Variants in KCNQ5 observed in about 807,000 individuals in gnomAD.
KCNQ5 encodes potassium voltage-gated channel subfamily Q member 5.
A neutral mutation model predicts 98.2 loss-of-function variants in KCNQ5; 30 were observed. The observed-to-expected ratio is 0.31, with a 90% CI of 0.23 to 0.41. The LOEUF (loss-of-function observed/expected upper bound fraction) is 0.41, where lower values mean the gene tolerates loss of function less well. Among genes scored for constraint, KCNQ5 ranks in the 10% least tolerant of loss-of-function variants. KCNQ5 has a pLI of 1.00. For missense variants in KCNQ5, 835 were observed against 1,182.5 expected, an observed-to-expected ratio of 0.71 and a Z score of 4.31; for synonymous variants, 458 against 449.4, an observed-to-expected ratio of 1.02 and a Z score of -0.24.
At chr6:72,652,383 G>C (rs1765921945) in intron 1 of KCNQ5, among the ~76,000 whole-genome samples, 1 of 151,598 alleles carries the variant, frequency 6.6e-6, no homozygotes, top group Admixed American at 6.6e-5. Context: ...CTCCAATTTT[G>C]AGTCCCACTC....
intron 11 of KCNQ5, among the ~76,000 whole-genome samples, chr6:73,187,297 G>C (rs1765407877): frequency 6.6e-6 from 1 of 152,018 alleles, no homozygotes; most frequent in Non-Finnish European, 1.5e-5. Flanking sequence ...CTGACCTCGT[G>C]ATCCACCCGC....
At chr6:73,055,609 G>C (rs1169524194) in intron 3 of KCNQ5, 1 of 1,276,186 alleles carries the variant, frequency 7.8e-7, no homozygotes, top group African/African-American at 1.5e-5. Context: ...TATTTCCCCA[G>C]ATCAAGGAGG....
chr6:73,127,367 G>GA (rs1351009608), intron 9 of KCNQ5, among the ~76,000 whole-genome samples: 8 of 152,132 alleles, frequency 5.3e-5, no homozygotes, highest in Non-Finnish European at 2.9e-5. Context: ...GCCCAAGCAG[G>GA]AGCCAACATT....
At chr6:73,011,457 C>A (rs1770058115) in intron 2 of KCNQ5, among the ~76,000 whole-genome samples, 2 of 152,042 alleles carry the variant, frequency 1.3e-5, no homozygotes, top group Non-Finnish European at 2.9e-5. Flanking sequence ...GGACCCTTAC[C>A]TAAGACAATA....
At chr6:72,876,287 G>A (rs1778407781) in intron 1 of KCNQ5, among the ~76,000 whole-genome samples, 1 of 151,962 alleles carries the variant, frequency 6.6e-6, no homozygotes, top group Admixed American at 6.6e-5. Context: ...ATTTAATAGG[G>A]TTAAAATTCC....
chr6:73,026,898 T>C (rs1770914545), intron 2 of KCNQ5, among the ~76,000 whole-genome samples: 1 of 152,084 alleles, frequency 6.6e-6, no homozygotes, highest in African/African-American at 2.4e-5. Flanking sequence ...TTGCACACAT[T>C]CCATAAATGG....
chr6:72,850,048 CACTT>C, intron 1 of KCNQ5, among the ~76,000 whole-genome samples: 1 of 152,260 alleles, frequency 6.6e-6, no homozygotes, highest in Non-Finnish European at 1.5e-5. Flanking sequence ...CCTCCTTGCA[CACTT>C]AGTCAATTTA....
At chr6:73,108,238 G>A (rs1775082338) in intron 6 of KCNQ5, among the ~76,000 whole-genome samples, 1 of 152,198 alleles carries the variant, frequency 6.6e-6, no homozygotes, top group Non-Finnish European at 1.5e-5. Context: ...TGAGCTCACA[G>A]AAGAAGCCCC....
chr6:72,785,704 GA>G (rs1311305226), intron 1 of KCNQ5, among the ~76,000 whole-genome samples: 1 of 151,090 alleles, frequency 6.6e-6, no homozygotes, highest in African/African-American at 2.4e-5. Flanking sequence ...AAACAGAAAA[GA>G]ACAGTAGCAG....
intron 5 of KCNQ5, among the ~76,000 whole-genome samples, chr6:73,102,300 A>T (rs561707656): frequency 6.6e-6 from 1 of 152,312 alleles, no homozygotes; most frequent in Admixed American, 6.5e-5. Context: ...TGAAACTACT[A>T]CAAGAAAACA....
At chr6:72,788,833 T>G (rs1773886217) in intron 1 of KCNQ5, among the ~76,000 whole-genome samples, 1 of 152,228 alleles carries the variant, frequency 6.6e-6, no homozygotes, top group Non-Finnish European at 1.5e-5. Context: ...TATTACTTAA[T>G]TTGAACCCAT....
chr6:72,639,663 G>T (rs144050303), intron 1 of KCNQ5, among the ~76,000 whole-genome samples: 1 of 152,294 alleles, frequency 6.6e-6, no homozygotes, highest in East Asian at 1.9e-4. Context: ...GAGAGATGCT[G>T]ATAAGTGCAA....
At chr6:72,805,067 C>T (rs1449209535) in intron 1 of KCNQ5, among the ~76,000 whole-genome samples, 2 of 152,056 alleles carry the variant, frequency 1.3e-5, no homozygotes, top group African/African-American at 4.8e-5. Context: ...GATTATTAAT[C>T]CCTTGTCAGA....
chr6:72,911,689 C>A (rs1003453847), intron 1 of KCNQ5, among the ~76,000 whole-genome samples: 1 of 152,060 alleles, frequency 6.6e-6, no homozygotes, highest in Non-Finnish European at 1.5e-5. Context: ...GAAGGCATCA[C>A]TGGGGCCAGC....
At chr6:72,834,991 T>C (rs933914982) in intron 1 of KCNQ5, among the ~76,000 whole-genome samples, 1 of 152,156 alleles carries the variant, frequency 6.6e-6, no homozygotes, top group Non-Finnish European at 1.5e-5. Context: ...AAAGTAAATT[T>C]TATAAATGTT....
chr6:72,625,980 C>G (rs2098917819), intron 1 of KCNQ5, among the ~76,000 whole-genome samples: 1 of 152,208 alleles, frequency 6.6e-6, no homozygotes, highest in African/African-American at 2.4e-5. Flanking sequence ...CAAATCTTAT[C>G]ATATCATCCC....
At chr6:72,763,327 T>C (rs902709574) in intron 1 of KCNQ5, among the ~76,000 whole-genome samples, 2 of 152,156 alleles carry the variant, frequency 1.3e-5, no homozygotes, top group Non-Finnish European at 2.9e-5. Context: ...ACACTATCTG[T>C]GTAGACATTT....
intron 5 of KCNQ5, among the ~76,000 whole-genome samples, chr6:73,088,285 T>G (rs13220300): frequency 6.6e-6 from 1 of 152,096 alleles, no homozygotes; most frequent in East Asian, 1.9e-4. Flanking sequence ...CCTCCCAAAG[T>G]GCTGAGATTA....
rs75018556 is a variant in KCNQ5, at chr6:72,792,806, T to C, written c.398+170219T>C. Reference sequence around the variant, plus strand: ...AACCCAGAATCTATCCATACATATTTAGGGATGCATGGGAACACTTGTGAT... The same window carrying C: ...AACCCAGAATCTATCCATACATATTCAGGGATGCATGGGAACACTTGTGAT... On this transcript the variant is annotated intron_variant, in intron 1 of 13. Transcript: ENST00000370398. Among the ~76,000 whole-genome samples, 491 of 152,294 alleles carry C rather than the reference T, an allele frequency of 3.2e-3. 1 individual carries two copies. The highest frequency in any genetic ancestry group is 0.011 in the African/African-American group (475 of 41,570).
Sources: allele counts gnomAD v4.1 joint callset (sites outside exome capture counted in the v4.1 genomes callset), GRCh38; gene constraint gnomAD v4.1.1; transcripts MANE v1.5; gene names NCBI Gene and HGNC (gene_info 2026-07-23, HGNC 2026-07-21).